The following PCTP variants were observed in gnomAD, a reference collection of about 807,000 sequenced individuals.
The protein encoded by PCTP is phosphatidylcholine transfer protein.
PCTP carries 27 observed loss-of-function variants against 31.0 expected under a neutral mutation model. That is an observed-to-expected ratio of 0.87 (90% CI 0.64 to 1.20). PCTP has a LOEUF of 1.20. Ranked by LOEUF, PCTP falls within the 50% of genes most tolerant of loss-of-function variation. The probability of loss-of-function intolerance (pLI) is 0.00; values close to 1 mark genes in which losing one functional copy is unlikely to be tolerated. For synonymous variants in PCTP, 108 were observed against 101.2 expected, an observed-to-expected ratio of 1.07 and a Z score of -0.40; for missense variants, 287 against 268.2, an observed-to-expected ratio of 1.07 and a Z score of -0.49.
rs117038904 is a variant in PCTP at position 55,839,032 on chromosome 17, C to T, written n.506-3695C>T. Among the ~76,000 whole-genome samples the T allele has an allele frequency of 9.2e-5, 14 of 152,264 alleles. 1 individual carries two copies. The highest frequency in any genetic ancestry group is 9.2e-4 in the Admixed American group (14 of 15,296). The stretch of plus-strand genomic sequence containing the variant: ...CAAACCAAACAAAAACCAAACAAAA[C>T]AAAACATACACATTCACATAGAACA... On this transcript the variant is annotated intron_variant and non_coding_transcript_variant, in intron 5 of 5. Transcript: ENST00000576221.
intron 3 of PCTP, among the ~76,000 whole-genome samples, chr17:55,773,242 G>C (rs1044937445): frequency 2.6e-5 from 4 of 152,128 alleles, no homozygotes; most frequent in African/African-American, 9.7e-5. Flanking sequence ...ATTGGGTGAG[G>C]CCAGAACAAA....
intron 3 of PCTP, among the ~76,000 whole-genome samples, chr17:55,795,401 T>C (rs1225487819): frequency 6.6e-6 from 1 of 152,070 alleles, no homozygotes; most frequent in African/African-American, 2.4e-5. Flanking sequence ...ATAAATGATT[T>C]ATGTCTTTGC....
chr17:55,761,510 G>A (rs1171700522), intron 1 of PCTP, among the ~76,000 whole-genome samples: 1 of 147,014 alleles, frequency 6.8e-6, no homozygotes, highest in Non-Finnish European at 1.5e-5. Flanking sequence ...TATACCTACT[G>A]GCATTATATA....
intron 3 of PCTP, among the ~76,000 whole-genome samples, chr17:55,816,083 A>T (rs773640820): frequency 3.1e-4 from 47 of 152,196 alleles, no homozygotes; most frequent in Admixed American, 1.1e-3. Context: ...TTAATTTTTT[A>T]ACAGCTTTAT....
chr17:55,757,296 A>G (rs1000684844), intron 1 of PCTP, among the ~76,000 whole-genome samples: 6 of 151,478 alleles, frequency 4.0e-5, no homozygotes, highest in Admixed American at 6.6e-5. Context: ...GTGTGCATAT[A>G]TATTCTAATG....
At chr17:55,760,308 A>G (rs1567711224) in intron 1 of PCTP, among the ~76,000 whole-genome samples, 1 of 152,182 alleles carries the variant, frequency 6.6e-6, no homozygotes, top group Non-Finnish European at 1.5e-5. Flanking sequence ...TGGAAAAAGG[A>G]GATTATCGTA....
downstream of PCTP, among the ~76,000 whole-genome samples, chr17:55,845,084 T>TGAAAAAAAA (rs1906101358): frequency 8.3e-5 from 1 of 12,024 alleles, no homozygotes; most frequent in Non-Finnish European, 1.5e-4. Context: ...CAAAACTCCA[T>TGAAAAAAAA]CAAAAAAAAA....
At chr17:55,841,262 G>A (rs1598026176) in intron 5 of PCTP, among the ~76,000 whole-genome samples, 1 of 152,166 alleles carries the variant, frequency 6.6e-6, no homozygotes, top group South Asian at 2.1e-4. Flanking sequence ...GGTACTAGAC[G>A]GGTTCACAGC....
intron 5 of PCTP, among the ~76,000 whole-genome samples, chr17:55,832,461 C>G (rs902427715): frequency 6.6e-6 from 1 of 152,186 alleles, no homozygotes; most frequent in Admixed American, 6.5e-5. Context: ...TTCTTCTCTC[C>G]TTTCACCTCT....
chr17:55,828,313 G>C (rs748409900), intron 5 of PCTP, among the ~76,000 whole-genome samples: 1 of 152,276 alleles, frequency 6.6e-6, no homozygotes, highest in Middle Eastern at 3.4e-3. Flanking sequence ...ATCTGAAACC[G>C]AGGTGTCAGC....
intron 1 of PCTP, among the ~76,000 whole-genome samples, chr17:55,762,383 T>C (rs1294606876): frequency 6.6e-6 from 1 of 151,870 alleles, no homozygotes; most frequent in East Asian, 1.9e-4. Context: ...CATCCGTGAG[T>C]CTTATCTAAG....
chr17:55,800,927 C>T (rs1411371553), intron 3 of PCTP, among the ~76,000 whole-genome samples: 1 of 151,998 alleles, frequency 6.6e-6, no homozygotes. Context: ...CACTCCAGAC[C>T]CTGTTTGCCT....
chr17:55,813,256 A>T (rs560404203), intron 3 of PCTP, among the ~76,000 whole-genome samples: 282 of 152,164 alleles, frequency 1.9e-3, no homozygotes, highest in Non-Finnish European at 3.3e-3. Flanking sequence ...TAATGACATT[A>T]AAAGAAGTAC....
chr17:55,822,484 T>A (rs1255920613), intron 3 of PCTP, among the ~76,000 whole-genome samples: 2 of 152,184 alleles, frequency 1.3e-5, no homozygotes, highest in African/African-American at 2.4e-5. Flanking sequence ...AATGGCACAA[T>A]GGTACCCTTT....
chr17:55,815,341 T>C (rs577358233), intron 3 of PCTP, among the ~76,000 whole-genome samples: 47 of 152,300 alleles, frequency 3.1e-4, no homozygotes, highest in Non-Finnish European at 5.9e-4. Context: ...AAATACATCT[T>C]TTAAAATTAA....
At position 55,776,845 on chromosome 17, in the gene PCTP, G is replaced by A; in HGVS notation, c.*745G>A. ...TGATTTCTCTTTTCCATATGTCACTGGGGGAAAGGCTGCCTGTACCTCTCA... is the reference window on the plus strand; with the variant it reads ...TGATTTCTCTTTTCCATATGTCACTAGGGGAAAGGCTGCCTGTACCTCTCA... On this transcript the variant is annotated 3_prime_UTR_variant, in exon 6 of 6. Transcript: ENST00000268896. 1 of 1,006,718 alleles carries A rather than the reference G, an allele frequency of 9.9e-7. No individual in the cohort carries two copies. The highest frequency in any genetic ancestry group is 1.2e-6 in the Non-Finnish European group (1 of 844,494). The allele number at this position is 1,006,718 out of a possible 1,614,324, so 62.4% of individuals were successfully genotyped here.
At chr17:55,773,674 T>C (rs1911132107) in intron 3 of PCTP, 50 bp from the exon 4 acceptor site, 4 of 1,545,490 alleles carry the variant, frequency 2.6e-6, no homozygotes, top group Non-Finnish European at 3.5e-6. Flanking sequence ...GCTTTCCTTC[T>C]GTCTGTCTAC....
chr17:55,788,897 A>T (rs1911849725), intron 3 of PCTP, among the ~76,000 whole-genome samples: 1 of 152,160 alleles, frequency 6.6e-6, no homozygotes, highest in Admixed American at 6.6e-5. Flanking sequence ...GAACTTCAGG[A>T]TACCCTCACC....
At position 55,784,400 on chromosome 17, in the gene PCTP, C is replaced by G. The variant is rs564474812; in HGVS notation, c.229-3166C>G. Among the ~76,000 whole-genome samples, 13 of 152,218 alleles carry G rather than the reference C, an allele frequency of 8.5e-5. No individual in the cohort carries two copies. The East Asian group carries it at 2.3e-3, about 27-fold the overall frequency. ...CATCCCAACTTTTTGTTGTCCCTGG[C>G]TTTTGCATAAGGTTGACATGGCACA... On this transcript the variant is annotated intron_variant, in intron 2 of 3. Transcript: ENST00000572536.
Sources: allele counts gnomAD v4.1 joint callset (sites outside exome capture counted in the v4.1 genomes callset), GRCh38; gene constraint gnomAD v4.1.1; transcripts MANE v1.5; gene names NCBI Gene and HGNC (gene_info 2026-07-23, HGNC 2026-07-21).